EVA1C: variants seen among roughly 807,000 people sequenced by gnomAD.
The protein encoded by EVA1C is eva-1 homolog C.
Under a neutral mutation model 45.4 loss-of-function variants are expected in EVA1C, and 25 were observed. The ratio of observed to expected loss-of-function variants is 0.55; its 90% CI spans 0.40 to 0.77. The LOEUF (loss-of-function observed/expected upper bound fraction) is 0.77. Among genes scored for constraint, EVA1C ranks in the 30% least tolerant of loss-of-function variants. The pLI, the probability that EVA1C is intolerant of heterozygous loss-of-function variation, is 0.00. For missense variants in EVA1C, 479 were observed against 554.8 expected (o/e 0.86, Z 1.37); for synonymous variants, 190 against 221.2 (o/e 0.86, Z 1.25).
intron 7 of EVA1C, among the ~76,000 whole-genome samples, chr21:32,510,682 A>G (rs1666332925): frequency 6.6e-6 from 1 of 152,198 alleles, no homozygotes; most frequent in African/African-American, 2.4e-5. Flanking sequence ...CCTGGTTTTC[A>G]GATAATTTCA....
intron 1 of EVA1C, among the ~76,000 whole-genome samples, chr21:32,441,217 G>A (rs2035162278): frequency 6.6e-6 from 1 of 152,184 alleles, no homozygotes; most frequent in Non-Finnish European, 1.5e-5. Context: ...ACATCCCAAA[G>A]GGGAGAAACA....
In EVA1C at chr21:32,467,966, A is replaced by G. The variant is rs759720673; in HGVS notation, c.634+118A>G. 2.2e-5 allele frequency: 14 copies of G among 623,478 alleles called. No homozygotes were observed. In the South Asian group the frequency reaches 2.4e-4, roughly 11 times the overall value. 38.6% of individuals were successfully genotyped at this position (623,478 alleles called of 1,614,324 possible). On this transcript the variant is annotated intron_variant, in intron 4 of 7. Transcript: ENST00000300255. ...ATTGTGAAAGTCAATACTTAACACA[A>G]TCACGATCTTGTGATCGTGTAAGTT...
At chr21:32,502,354 C>T (rs2037588218) in intron 6 of EVA1C, among the ~76,000 whole-genome samples, 2 of 152,116 alleles carry the variant, frequency 1.3e-5, no homozygotes, top group Admixed American at 1.3e-4. Context: ...TCGTCTCGGC[C>T]TCCCAAAGTG....
chr21:32,412,963 G>T lies in EVA1C; in HGVS notation c.110G>T (p.Cys37Phe). ...GGGCAGCTCCTGCGCCTCTTCTACTGCACTGTCCTGGTCTGCTCCAAAGAG... is the reference window on the plus strand; with the variant it reads ...GGGCAGCTCCTGCGCCTCTTCTACTTCACTGTCCTGGTCTGCTCCAAAGAG... ...PPGQLLRLFY[C>F]TVLVCSKEIS... The change falls in exon 1 of 8, where the codon TGC becomes TTC. Residue 37 changes from cysteine (C) to phenylalanine (F), a missense_variant. Around this residue, in one of 3 missense-constraint regions of EVA1C, gnomAD observed 80 missense variants for 63.8 expected, o/e 1.25. Coordinates refer to ENST00000300255, the MANE Select transcript of EVA1C (RefSeq NM_058187.5). 6.4e-7 allele frequency: 1 copy of T among 1,560,598 alleles called. No homozygotes were observed. Among genetic ancestry groups the T allele is most frequent in the Non-Finnish European group, 8.7e-7 (1 of 1,155,832 alleles).
At chr21:32,461,960 G>A (rs2036014018) in intron 3 of EVA1C, among the ~76,000 whole-genome samples, 1 of 152,096 alleles carries the variant, frequency 6.6e-6, no homozygotes, top group South Asian at 2.1e-4. Context: ...ATGGGATTAT[G>A]TCTCTTCTGC....
At chr21:32,458,964 C>A (rs2035894688) in intron 3 of EVA1C, among the ~76,000 whole-genome samples, 1 of 151,950 alleles carries the variant, frequency 6.6e-6, no homozygotes, top group African/African-American at 2.4e-5. Context: ...TGGGGAGAAA[C>A]CCCCCCGATC....
intron 4 of EVA1C, among the ~76,000 whole-genome samples, chr21:32,489,924 C>T (rs2037098910): frequency 6.6e-6 from 1 of 152,172 alleles, no homozygotes. Flanking sequence ...GCCTCAGCCT[C>T]CTGAGTAACT....
chr21:32,422,939 T>C lies in EVA1C; in HGVS notation c.160+9926T>C, dbSNP rs1214237975. 2.0e-5 allele frequency among the ~76,000 whole-genome samples: 3 copies of C among 151,796 alleles called. No homozygotes were observed. The East Asian group carries it at 5.8e-4, about 29-fold the overall frequency. On this transcript the variant is annotated intron_variant, in intron 1 of 7. Transcript: ENST00000300255. ...TACAAAAATTAGCTGGGCATGGTGG[T>C]GCACATCTGTAATCCCAGCTACTCA...
rs553569535 is a variant in EVA1C at position 32,413,725 on chromosome 21, G to A, written c.160+712G>A. 2.7e-3 allele frequency among the ~76,000 whole-genome samples: 413 copies of A among 152,328 alleles called. 3 individuals are homozygous for A. Among genetic ancestry groups the A allele is most frequent in the Non-Finnish European group, 2.3e-3 (156 of 68,026 alleles). On this transcript the variant is annotated intron_variant, in intron 1 of 7. Transcript: ENST00000300255. Reference sequence around the variant, plus strand: ...GCTTACAGGTGTGACGCCCCAAAGTGAAAGGGATTTCTAGGTTGACGATAG... The same window carrying A: ...GCTTACAGGTGTGACGCCCCAAAGTAAAAGGGATTTCTAGGTTGACGATAG...
intron 1 of EVA1C, among the ~76,000 whole-genome samples, chr21:32,423,901 G>A (rs2034389467): frequency 6.6e-6 from 1 of 152,176 alleles, no homozygotes; most frequent in South Asian, 2.1e-4. Context: ...CTGATGCCCT[G>A]TGAATACAAA....
chr21:32,467,917 T>C (rs2036235438), intron 4 of EVA1C, 69 bp downstream of exon 4: 2 of 889,324 alleles, frequency 2.2e-6, no homozygotes, highest in Admixed American at 4.2e-5. Context: ...TATATATATA[T>C]ATATCCTATA....
At chr21:32,500,309 C>T (rs539751230) in intron 5 of EVA1C, among the ~76,000 whole-genome samples, 7 of 146,790 alleles carry the variant, frequency 4.8e-5, no homozygotes, top group Admixed American at 4.2e-4. Context: ...GTGAGCACAT[C>T]CGGCTAATTT....
At chr21:32,456,411 G>A (rs2035785545) in intron 2 of EVA1C, among the ~76,000 whole-genome samples, 1 of 152,128 alleles carries the variant, frequency 6.6e-6, no homozygotes. Flanking sequence ...GGAGCCCTCC[G>A]GTGACATCTG....
intron 1 of EVA1C, among the ~76,000 whole-genome samples, chr21:32,437,505 C>G (rs1218585243): frequency 1.3e-5 from 2 of 152,218 alleles, no homozygotes; most frequent in African/African-American, 4.8e-5. Flanking sequence ...CCTGCAGTAG[C>G]TCCCGCATCC....
intron 1 of EVA1C, among the ~76,000 whole-genome samples, chr21:32,425,612 G>A (rs1335014545): frequency 1.3e-5 from 2 of 152,174 alleles, no homozygotes; most frequent in African/African-American, 2.4e-5. Flanking sequence ...GGTTATTTGG[G>A]TTTGTCAACA....
At chr21:32,431,995 T>C (rs774016963) in intron 1 of EVA1C, among the ~76,000 whole-genome samples, 7 of 152,220 alleles carry the variant, frequency 4.6e-5, no homozygotes, top group Non-Finnish European at 5.9e-5. Flanking sequence ...AGTTGTTGTG[T>C]CTCTGTAGGT....
intron 1 of EVA1C, among the ~76,000 whole-genome samples, chr21:32,428,860 T>G (rs138751436): frequency 6.6e-6 from 1 of 152,332 alleles, no homozygotes; most frequent in East Asian, 1.9e-4. Context: ...GAATGAGCAT[T>G]ATCTCACAAT....
At chr21:32,510,880 A>G (rs1488228111) in intron 7 of EVA1C, among the ~76,000 whole-genome samples, 1 of 152,080 alleles carries the variant, frequency 6.6e-6, no homozygotes, top group Non-Finnish European at 1.5e-5. Context: ...ACAAAAAAAT[A>G]TAATAAAAAG....
chr21:32,486,642 A>T (rs2036981399), intron 4 of EVA1C, among the ~76,000 whole-genome samples: 1 of 152,204 alleles, frequency 6.6e-6, no homozygotes, highest in Non-Finnish European at 1.5e-5. Flanking sequence ...ACTTTCTTGG[A>T]AAAAAGGCCT....
Sources: gnomAD v4.1 joint callset for allele counts (sites outside exome capture counted in the v4.1 genomes callset) on GRCh38, gnomAD v4.1.1 for gene constraint, gnomAD v4.1.1 regional missense constraint, MANE v1.5 for transcripts, NCBI Gene and HGNC (gene_info 2026-07-23, HGNC 2026-07-21) for gene names.